Variants in ST6GAL1 observed in about 807,000 individuals in gnomAD.
ST6GAL1 encodes the protein beta-galactoside alpha-2,6-sialyltransferase 1.
Under a neutral mutation model 38.0 loss-of-function variants are expected in ST6GAL1, and 20 were observed. That is an observed-to-expected ratio of 0.53 (90% confidence interval 0.37 to 0.77). ST6GAL1 has a LOEUF of 0.77. ST6GAL1 is among the 30% of genes least tolerant of loss of function. The pLI is 0.00. For missense variants in ST6GAL1, 432 were observed against 496.4 expected (o/e 0.87, Z 1.23); for synonymous variants, 196 against 188.2 (o/e 1.04, Z -0.34).
chr3:186,959,283 C>G (rs1714854552), intron 1 of ST6GAL1, among the ~76,000 whole-genome samples: 1 of 152,178 alleles, frequency 6.6e-6, no homozygotes, highest in Non-Finnish European at 1.5e-5. Flanking sequence ...GCTGGAATCT[C>G]TTGGCCTAGC....
intron 5 of ST6GAL1, chr3:187,064,700 A>G (rs1236648745): frequency 1.3e-5 from 6 of 448,576 alleles, no homozygotes; most frequent in African/African-American, 8.0e-5. Flanking sequence ...TGGCCGCTCC[A>G]TGACAGCACT....
intron 5 of ST6GAL1, among the ~76,000 whole-genome samples, chr3:187,069,019 G>A (rs552581437): frequency 2.0e-5 from 3 of 152,318 alleles, no homozygotes; most frequent in South Asian, 4.1e-4. Context: ...AAGTTACAAC[G>A]TTCCCAGTGG....
rs867672286 is a variant in ST6GAL1, at chr3:186,988,537, T to G, written c.-183+24611T>G. ...GCTGTAGGCTCCAAATACCAATGGT[T>G]AAGCCAGGCTGTGTGTGTGTTTTGG... On this transcript the variant is annotated intron_variant, in intron 2 of 7. Transcript: ENST00000169298. Among the ~76,000 whole-genome samples, 5 of 120,618 alleles carry G rather than the reference T, an allele frequency of 4.1e-5. No homozygotes were observed. The South Asian group carries it at 1.4e-3, about 34-fold the overall frequency. 79.1% of individuals were successfully genotyped at this position (120,618 alleles called of 152,430 possible).
At chr3:187,022,136 G>A (rs564309469) in intron 2 of ST6GAL1, 16 of 152,330 alleles carry the variant, frequency 1.1e-4, no homozygotes, top group African/African-American at 3.4e-4. Flanking sequence ...ACTGGTGGAG[G>A]GGGGATGTCT....
intron 1 of ST6GAL1, among the ~76,000 whole-genome samples, chr3:186,934,782 T>A (rs368602926): frequency 1.4e-3 from 149 of 103,638 alleles, no homozygotes; most frequent in African/African-American, 5.0e-3. Flanking sequence ...TTATTTATTT[T>A]TTCAGATGGC....
chr3:186,975,999 G>A (rs547498288), intron 2 of ST6GAL1, among the ~76,000 whole-genome samples: 6 of 152,102 alleles, frequency 3.9e-5, no homozygotes, highest in Non-Finnish European at 8.8e-5. Flanking sequence ...GCAACTGCTC[G>A]GGACCCACTG....
rs759245525 is a variant in ST6GAL1 at position 186,969,345 on chromosome 3, G to A, written c.-183+5419G>A. Among the ~76,000 whole-genome samples the A allele has an allele frequency of 5.9e-5, 9 of 152,246 alleles. No homozygotes were observed. In the East Asian group the frequency reaches 9.6e-4, roughly 16 times the overall value. On this transcript the variant is annotated intron_variant, in intron 2 of 7. Coordinates refer to ENST00000169298, the MANE Select transcript of ST6GAL1 (RefSeq NM_173216.2). ...TGGGATTACAGGCGTGAGCCACAGCGCGCAGCCCATCTTTTTCATTTTAAT... is the reference window on the plus strand; with the variant it reads ...TGGGATTACAGGCGTGAGCCACAGCACGCAGCCCATCTTTTTCATTTTAAT...
chr3:186,974,733 G>T (rs56307268), intron 2 of ST6GAL1, among the ~76,000 whole-genome samples: 14,381 of 151,126 alleles, frequency 0.095, 935 homozygotes, highest in Non-Finnish European at 0.13. Flanking sequence ...GGTTGGGGGG[G>T]GGGCGCCCAC....
At chr3:187,072,592 G>A (rs538665104) in intron 5 of ST6GAL1, 7 of 418,494 alleles carry the variant, frequency 1.7e-5, no homozygotes, top group East Asian at 5.2e-5. Context: ...CCTTGCCCCC[G>A]TAATCTCAAA....
intron 2 of ST6GAL1, among the ~76,000 whole-genome samples, chr3:187,015,167 G>A (rs16861499): frequency 0.068 from 10,311 of 152,214 alleles, 380 homozygotes; most frequent in Middle Eastern, 0.12. Context: ...TGCACACTGG[G>A]TTCCAGCCTG....
chr3:187,003,001 C>T (rs546968756), intron 2 of ST6GAL1, among the ~76,000 whole-genome samples: 5 of 152,126 alleles, frequency 3.3e-5, no homozygotes, highest in Non-Finnish European at 7.4e-5. Flanking sequence ...TGACAATTAC[C>T]AAGATCTGCG....
chr3:186,985,774 C>A (rs74594138), intron 2 of ST6GAL1, among the ~76,000 whole-genome samples: 341 of 131,560 alleles, frequency 2.6e-3, no homozygotes, highest in Middle Eastern at 7.7e-3. Flanking sequence ...GACCCTGTCT[C>A]AAAAAAAAAA....
chr3:186,987,209 A>G (rs28607729), intron 2 of ST6GAL1, among the ~76,000 whole-genome samples: 2,285 of 143,556 alleles, frequency 0.016, 43 homozygotes, highest in African/African-American at 0.052. Context: ...GGAAGGAAAG[A>G]AAAGGAAAGA....
chr3:186,947,926 A>G (rs760105334), intron 1 of ST6GAL1, among the ~76,000 whole-genome samples: 69 of 152,242 alleles, frequency 4.5e-4, no homozygotes, highest in Non-Finnish European at 7.8e-4. Context: ...TCACAGTCAT[A>G]GACACAGCCC....
At chr3:187,020,055 T>C (rs1341795693) in intron 2 of ST6GAL1, among the ~76,000 whole-genome samples, 1 of 152,172 alleles carries the variant, frequency 6.6e-6, no homozygotes, top group Non-Finnish European at 1.5e-5. Context: ...TCCCAGCACT[T>C]TGACAGGCTG....
At chr3:187,032,770 G>A (rs1029121233) in intron 2 of ST6GAL1, among the ~76,000 whole-genome samples, 1 of 152,182 alleles carries the variant, frequency 6.6e-6, no homozygotes, top group Non-Finnish European at 1.5e-5. Context: ...TCTTTGAGCT[G>A]ATGAGGAGAG....
intron 2 of ST6GAL1, among the ~76,000 whole-genome samples, chr3:187,023,113 C>T (rs1158629344): frequency 6.6e-6 from 1 of 152,080 alleles, no homozygotes; most frequent in African/African-American, 2.4e-5. Context: ...GTGCCCATGG[C>T]CAAAAAGGAG....
intron 2 of ST6GAL1, among the ~76,000 whole-genome samples, chr3:186,973,488 G>C (rs1715418297): frequency 6.6e-6 from 1 of 152,214 alleles, no homozygotes; most frequent in African/African-American, 2.4e-5. Context: ...CTGTGCAGCA[G>C]TAACCTTGAC....
chr3:186,951,130 C>T (rs773142778), intron 1 of ST6GAL1, among the ~76,000 whole-genome samples: 3 of 152,144 alleles, frequency 2.0e-5, no homozygotes, highest in Non-Finnish European at 4.4e-5. Context: ...AGTGCTATGG[C>T]GTGATCTCGG....
Sources: gnomAD v4.1 joint callset for allele counts (sites outside exome capture counted in the v4.1 genomes callset) on GRCh38, gnomAD v4.1.1 for gene constraint, MANE v1.5 for transcripts, NCBI Gene and HGNC (gene_info 2026-07-23, HGNC 2026-07-21) for gene names.